Variants in HSF2BP observed in about 807,000 individuals in gnomAD.
The protein encoded by HSF2BP is heat shock factor 2-binding protein.
In HSF2BP, 35 loss-of-function variants were observed where a neutral mutation model predicts 35.0. The observed-to-expected ratio is 1.00, with a 90% CI of 0.76 to 1.32. HSF2BP has a LOEUF of 1.32. Among genes scored for constraint, HSF2BP ranks in the 40% most tolerant of loss-of-function variants. HSF2BP has a pLI of 0.00. For synonymous variants in HSF2BP, 114 were observed against 117.4 expected, an observed-to-expected ratio of 0.97 and a Z score of 0.18; for missense variants, 326 against 321.7, an observed-to-expected ratio of 1.01 and a Z score of -0.10.
intron 4 of HSF2BP, among the ~76,000 whole-genome samples, chr21:43,633,759 CA>C (rs1347139089): frequency 6.6e-6 from 1 of 152,164 alleles, no homozygotes; most frequent in African/African-American, 2.4e-5. Context: ...GGCTTCTGAA[CA>C]AAAACAACCT....
At chr21:43,604,137 A>G (rs1316105876) in intron 7 of HSF2BP, among the ~76,000 whole-genome samples, 4 of 151,976 alleles carry the variant, frequency 2.6e-5, no homozygotes, top group Non-Finnish European at 4.4e-5. Context: ...ATACTGGAGC[A>G]AGAAATGACA....
intron 6 of HSF2BP, among the ~76,000 whole-genome samples, chr21:43,616,489 C>T (rs1292599583): frequency 3.9e-5 from 6 of 151,914 alleles, no homozygotes; most frequent in East Asian, 1.9e-4. Flanking sequence ...ACTAAAAATA[C>T]GAAATTAGCC....
At chr21:43,605,132 C>A (rs952504600) in intron 7 of HSF2BP, among the ~76,000 whole-genome samples, 3 of 150,176 alleles carry the variant, frequency 2.0e-5, no homozygotes, top group Non-Finnish European at 4.4e-5. Context: ...CACACAGATA[C>A]CACACACACA....
chr21:43,608,813 AT>A (rs1050149188), intron 7 of HSF2BP, among the ~76,000 whole-genome samples: 2 of 151,724 alleles, frequency 1.3e-5, no homozygotes, highest in East Asian at 1.9e-4. Flanking sequence ...AAAAAAAAAA[AT>A]TTTTTTTAAT....
intron 8 of HSF2BP, among the ~76,000 whole-genome samples, chr21:43,577,707 C>T (rs866970082): frequency 4.6e-5 from 7 of 152,340 alleles, no homozygotes; most frequent in Middle Eastern, 6.8e-3. Flanking sequence ...TGCACGTATA[C>T]ACCCAGATGG....
intron 7 of HSF2BP, among the ~76,000 whole-genome samples, chr21:43,594,505 C>G (rs2081962100): frequency 6.6e-6 from 1 of 152,054 alleles, no homozygotes; most frequent in Non-Finnish European, 1.5e-5. Context: ...TCAAGTATAC[C>G]AAATACATCA....
At chr21:43,636,883 C>T (rs1436614966) in intron 4 of HSF2BP, among the ~76,000 whole-genome samples, 1 of 137,760 alleles carries the variant, frequency 7.3e-6, no homozygotes, top group Non-Finnish European at 1.5e-5. Flanking sequence ...GAGCGAAACC[C>T]CGTCTCAAAA....
intron 4 of HSF2BP, among the ~76,000 whole-genome samples, chr21:43,642,091 G>A (rs187075729): frequency 1.4e-4 from 22 of 152,244 alleles, no homozygotes; most frequent in Admixed American, 1.3e-3. Context: ...GAGCCCAGGA[G>A]TTGAAGACCA....
intron 8 of HSF2BP, among the ~76,000 whole-genome samples, chr21:43,590,263 C>A (rs530398481): frequency 6.6e-6 from 1 of 152,262 alleles, no homozygotes; most frequent in East Asian, 1.9e-4. Flanking sequence ...TGAAAAGATA[C>A]TCAACATCAT....
At chr21:43,601,257 A>C (rs1458764275) in intron 7 of HSF2BP, among the ~76,000 whole-genome samples, 2 of 152,126 alleles carry the variant, frequency 1.3e-5, no homozygotes, top group African/African-American at 2.4e-5. Flanking sequence ...GGACAGGTGT[A>C]AGCTTCACTG....
At chr21:43,612,235 T>C (rs1368187919) in intron 7 of HSF2BP, among the ~76,000 whole-genome samples, 1 of 152,156 alleles carries the variant, frequency 6.6e-6, no homozygotes, top group Non-Finnish European at 1.5e-5. Flanking sequence ...CCAAAATTAC[T>C]TGGCATATGA....
At chr21:43,645,990 A>G (rs2082703541) in intron 3 of HSF2BP, among the ~76,000 whole-genome samples, 1 of 152,156 alleles carries the variant, frequency 6.6e-6, no homozygotes, top group Non-Finnish European at 1.5e-5. Context: ...GCTAAACATC[A>G]TAAAATTGGC....
At chr21:43,590,419 G>C (rs2081911500) in intron 8 of HSF2BP, among the ~76,000 whole-genome samples, 1 of 152,176 alleles carries the variant, frequency 6.6e-6, no homozygotes, top group African/African-American at 2.4e-5. Flanking sequence ...AAACAGGGTG[G>C]CAGTTTCATA....
intron 8 of HSF2BP, among the ~76,000 whole-genome samples, chr21:43,591,194 T>C (rs1301292512): frequency 6.6e-6 from 1 of 152,202 alleles, no homozygotes; most frequent in Non-Finnish European, 1.5e-5. Flanking sequence ...GACAGAACTT[T>C]AGGTTAGATT....
the HSF2BP span, among the ~76,000 whole-genome samples, chr21:43,467,800 TTACACAG>T: frequency 0.011 from 398 of 36,132 alleles, 8 homozygotes; most frequent in Admixed American, 0.024. Context: ...ACACCACACA[TTACACAG>T]CACACCACAC....
At chr21:43,650,503 C>A (rs2082769754) in intron 3 of HSF2BP, among the ~76,000 whole-genome samples, 2 of 151,986 alleles carry the variant, frequency 1.3e-5, no homozygotes, top group Admixed American at 1.3e-4. Context: ...CCGTGCCCGG[C>A]CCATAAAATT....
At chr21:43,616,375 G>A (rs980136567) in intron 6 of HSF2BP, among the ~76,000 whole-genome samples, 1 of 152,220 alleles carries the variant, frequency 6.6e-6, no homozygotes, top group African/African-American at 2.4e-5. Flanking sequence ...CAGATGTGGT[G>A]GCTCACGCCA....
At chr21:43,657,592 C>A (rs757731567) in intron 2 of HSF2BP, among the ~76,000 whole-genome samples, 2 of 152,228 alleles carry the variant, frequency 1.3e-5, no homozygotes, top group Non-Finnish European at 2.9e-5. Flanking sequence ...CAATTAATAA[C>A]GGGTGGAAGC....
At chr21:43,656,320 G>A (rs183373326) in intron 3 of HSF2BP, among the ~76,000 whole-genome samples, 1 of 152,140 alleles carries the variant, frequency 6.6e-6, no homozygotes, top group Admixed American at 6.5e-5. Flanking sequence ...GTTATCAAAA[G>A]TATAAAATTC....
Sources: allele counts gnomAD v4.1 joint callset (sites outside exome capture counted in the v4.1 genomes callset), GRCh38; gene constraint gnomAD v4.1.1; transcripts MANE v1.5; gene names NCBI Gene and HGNC (gene_info 2026-07-23, HGNC 2026-07-21).